Variants in ITPR1 observed in about 807,000 individuals in gnomAD.
ITPR1 encodes inositol 1,4,5-trisphosphate-gated calcium channel ITPR1.
In ITPR1, 96 loss-of-function variants were observed where a neutral mutation model predicts 318.4. That is an observed-to-expected ratio of 0.30 (90% CI 0.26 to 0.36). The LOEUF (loss-of-function observed/expected upper bound fraction) is 0.36, where lower values mean the gene tolerates loss of function less well. ITPR1 is among the 10% of genes least tolerant of loss of function. The pLI, the probability that ITPR1 is intolerant of heterozygous loss-of-function variation, is 1.00. For missense variants in ITPR1, 2,440 were observed against 3,460.2 expected (o/e 0.71, Z 7.40); for synonymous variants, 1,312 against 1,289.9 (o/e 1.02, Z -0.37).
chr3:4,692,609 G>T (rs1454925142), intron 32 of ITPR1, among the ~76,000 whole-genome samples: 3 of 152,118 alleles, frequency 2.0e-5, no homozygotes, highest in South Asian at 2.1e-4. Flanking sequence ...CCCTTTCTGG[G>T]TTTTTTGTAC....
intron 4 of ITPR1, among the ~76,000 whole-genome samples, chr3:4,607,617 G>A (rs2091792392): frequency 1.3e-5 from 2 of 152,050 alleles, no homozygotes; most frequent in Non-Finnish European, 2.9e-5. Flanking sequence ...TGGGGGCAAG[G>A]GTTTTTTCAA....
intron 5 of ITPR1, among the ~76,000 whole-genome samples, chr3:4,632,404 G>A (rs2093042001): frequency 6.6e-6 from 1 of 152,168 alleles, no homozygotes; most frequent in East Asian, 1.9e-4. Context: ...GAAATCAACA[G>A]GAATAAAGTG....
chr3:4,691,078 A>T, intron 31 of ITPR1, 66 bp from the exon 32 acceptor site: 2 of 1,093,810 alleles, frequency 1.8e-6, no homozygotes, highest in Non-Finnish European at 2.6e-6. Flanking sequence ...TCTTTTTCTC[A>T]CTTTTTAATC....
chr3:4,715,714 G>T (rs1196596086), intron 39 of ITPR1, among the ~76,000 whole-genome samples: 1 of 152,262 alleles, frequency 6.6e-6, no homozygotes, highest in Non-Finnish European at 1.5e-5. Flanking sequence ...TTAGCCTGAC[G>T]TGGTGCCACA....
intron 11 of ITPR1, among the ~76,000 whole-genome samples, chr3:4,652,512 C>T (rs1478661338): frequency 1.3e-5 from 2 of 152,018 alleles, no homozygotes; most frequent in African/African-American, 4.8e-5. Flanking sequence ...TATATACGAC[C>T]CTCCCCACGT....
At chr3:4,529,561 C>T (rs1014778653) in intron 4 of ITPR1, among the ~76,000 whole-genome samples, 2 of 152,232 alleles carry the variant, frequency 1.3e-5, no homozygotes, top group African/African-American at 2.4e-5. Flanking sequence ...TCTTGTTTGA[C>T]ATGTGAGAAA....
Position 4,847,298 on chromosome 3 carries a change from GATTT to G in ITPR1, c.*1074_*1077del, listed in dbSNP as rs889032622. ...ATTTTGGTTTTATTTCTTGTCACAT[GATTT>G]CTTTTCTTGATGGATGAAAAATATG... On this transcript the variant is annotated 3_prime_UTR_variant, in exon 62 of 62. Coordinates refer to ENST00000649015, the MANE Select transcript of ITPR1 (RefSeq NM_001378452.1). 5 of 149,488 alleles carry G rather than the reference GATTT, an allele frequency of 3.3e-5. No individual in the cohort carries two copies. Among genetic ancestry groups the G allele is most frequent in the Non-Finnish European group, 7.4e-5 (5 of 67,592 alleles). 9.3% of individuals were successfully genotyped at this position (149,488 alleles called of 1,614,324 possible). A position where few individuals can be genotyped will look rare whatever the true frequency, so the allele number is the denominator to read the frequency against.
At chr3:4,504,895 A>C (rs1408130231) in intron 2 of ITPR1, among the ~76,000 whole-genome samples, 2 of 151,822 alleles carry the variant, frequency 1.3e-5, no homozygotes, top group Non-Finnish European at 2.9e-5. Context: ...CTCTGTAGGG[A>C]GTTTCCTTGG....
At position 4,693,693 on chromosome 3, in the gene ITPR1, G is replaced by A. The variant is rs373572745; in HGVS notation, c.4233G>A (p.Pro1411=). 8.2e-5 allele frequency: 133 copies of A among 1,613,792 alleles called. No homozygotes were observed. The East Asian group carries it at 1.1e-3, about 14-fold the overall frequency. The change falls in exon 33 of 62, where the codon CCG becomes CCA. Residue 1411 remains proline (P), a synonymous_variant. Coordinates refer to ENST00000649015, the MANE Select transcript of ITPR1 (RefSeq NM_001378452.1). ...AGATCAAGTGCAACTCCCTGCTCCC[G>A]CTGGATGACATCGTTCGCGTGGTGA... ...YTEIKCNSLL[P]LDDIVRVVTH...
intron 49 of ITPR1, among the ~76,000 whole-genome samples, chr3:4,781,203 C>T (rs189331421): frequency 2.6e-4 from 39 of 152,306 alleles, no homozygotes; most frequent in African/African-American, 7.2e-4. Flanking sequence ...TGCTGACATA[C>T]GTGGCCTTTG....
chr3:4,650,197 A>T (rs1371110577), intron 10 of ITPR1, among the ~76,000 whole-genome samples: 2 of 152,290 alleles, frequency 1.3e-5, no homozygotes, highest in East Asian at 3.9e-4. Flanking sequence ...ATGAACATTC[A>T]TATGCAACTT....
intron 36 of ITPR1, among the ~76,000 whole-genome samples, chr3:4,704,085 A>G (rs1005797226): frequency 6.6e-6 from 1 of 152,142 alleles, no homozygotes; most frequent in African/African-American, 2.4e-5. Context: ...ATGGGGGACT[A>G]CTAGAGGGGT....
chr3:4,660,746 T>G (rs1484301939), intron 13 of ITPR1, among the ~76,000 whole-genome samples: 1 of 152,214 alleles, frequency 6.6e-6, no homozygotes, highest in Non-Finnish European at 1.5e-5. Context: ...TGGAGTATGA[T>G]CTTATATTTA....
intron 4 of ITPR1, among the ~76,000 whole-genome samples, chr3:4,540,593 CGT>C (rs1041306562): frequency 6.6e-6 from 1 of 151,780 alleles, no homozygotes; most frequent in Non-Finnish European, 1.5e-5. Flanking sequence ...TGTGTGTGCA[CGT>C]GTGTGTGTTT....
At chr3:4,657,100 G>T (rs977306822) in intron 12 of ITPR1, among the ~76,000 whole-genome samples, 5 of 152,196 alleles carry the variant, frequency 3.3e-5, no homozygotes, top group Non-Finnish European at 5.9e-5. Context: ...GGAGAGGCCC[G>T]TCTTCCCTGA....
rs759163411 is a variant in ITPR1, at chr3:4,697,250, A to C, written c.4385A>C (p.Asn1462Thr). The change falls in exon 34 of 62, where the codon AAT becomes ACT. Residue 1462 changes from asparagine (N) to threonine (T), a missense_variant. Around this residue, in one of 23 missense-constraint regions of ITPR1, gnomAD observed 73 missense variants for 59.5 expected, o/e 1.23. Coordinates refer to ENST00000649015, the MANE Select transcript of ITPR1 (RefSeq NM_001378452.1). Reference protein sequence around the residue: ...TSNHMWKLFENFLVDICRACN... With the variant: ...TSNHMWKLFETFLVDICRACN... ...AATCACATGTGGAAATTGTTTGAGA[A>C]TTTCCTTGTAGACATCTGCAGGGTA... is the stretch of plus-strand genomic sequence containing the variant. 3 of 1,562,148 alleles carry C rather than the reference A, an allele frequency of 1.9e-6. No homozygotes were observed. In the African/African-American group the frequency reaches 4.1e-5, roughly 21 times the overall value.
At chr3:4,661,159 T>C (rs1400758902) in intron 14 of ITPR1, 72 bp downstream of exon 14, 10 of 844,564 alleles carry the variant, frequency 1.2e-5, no homozygotes, top group South Asian at 2.9e-5. Flanking sequence ...TGAGGACAGA[T>C]CAGGGAGTAT....
At chr3:4,708,957 T>A (rs1371152678) in intron 37 of ITPR1, among the ~76,000 whole-genome samples, 1 of 152,242 alleles carries the variant, frequency 6.6e-6, no homozygotes, top group Non-Finnish European at 1.5e-5. Flanking sequence ...TGCTATACAT[T>A]TGACAGTACA....
chr3:4,535,567 C>G (rs1310870665), intron 4 of ITPR1, among the ~76,000 whole-genome samples: 1 of 150,848 alleles, frequency 6.6e-6, no homozygotes, highest in Non-Finnish European at 1.5e-5. Flanking sequence ...CTCAGCCTCC[C>G]GAGTAGCTGG....
Sources: allele counts gnomAD v4.1 joint callset (sites outside exome capture counted in the v4.1 genomes callset), GRCh38; gene constraint gnomAD v4.1.1; regional missense constraint gnomAD v4.1.1; transcripts MANE v1.5; gene names NCBI Gene and HGNC (gene_info 2026-07-23, HGNC 2026-07-21).